Variants in TENM1 observed in about 807,000 individuals in gnomAD.
TENM1 encodes the protein teneurin-1.
In TENM1, 35 loss-of-function variants were observed where a neutral mutation model predicts 174.8. That is an observed-to-expected ratio of 0.20 (90% CI 0.15 to 0.27). The LOEUF (loss-of-function observed/expected upper bound fraction) is 0.27. TENM1 is among the 10% of genes least tolerant of loss of function. The pLI is 1.00. For synonymous variants in TENM1, 781 were observed against 798.7 expected, an observed-to-expected ratio of 0.98 and a Z score of 0.37; for missense variants, 1,633 against 2,130.1, an observed-to-expected ratio of 0.77 and a Z score of 4.59.
intron 25 of TENM1, among the ~76,000 whole-genome samples, chrX:124,407,840 T>G (rs1332795246): frequency 8.9e-6 from 1 of 112,862 alleles, no homozygotes; most frequent in Non-Finnish European, 1.9e-5. Flanking sequence ...TAGCCTTAGA[T>G]GTTAAATTGG....
At chrX:124,682,338 C>T (rs1569388524) in intron 5 of TENM1, among the ~76,000 whole-genome samples, 1 of 111,277 alleles carries the variant, frequency 9.0e-6, no homozygotes, top group East Asian at 2.8e-4. Flanking sequence ...TAGCATAAAG[C>T]AGTTAGAGTC....
chrX:124,694,644 G>A (rs1456886820), intron 5 of TENM1, among the ~76,000 whole-genome samples: 1 of 111,876 alleles, frequency 8.9e-6, no homozygotes, highest in Non-Finnish European at 1.9e-5. Context: ...TGAACATTGT[G>A]TACCCAGTAT....
chrX:124,985,696 G>T, the TENM1 span, among the ~76,000 whole-genome samples: 1 of 111,440 alleles, frequency 9.0e-6, no homozygotes, highest in South Asian at 3.8e-4. Context: ...CTAATCAGCT[G>T]CATTTGATTT....
chrX:124,652,794 G>A (rs1303901614), intron 7 of TENM1, among the ~76,000 whole-genome samples: 1 of 112,183 alleles, frequency 8.9e-6, no homozygotes, highest in Non-Finnish European at 1.9e-5. Flanking sequence ...CAGTTGACAA[G>A]GACCTGGCAC....
chrX:125,168,575 C>T, the TENM1 span, among the ~76,000 whole-genome samples: 1 of 111,254 alleles, frequency 9.0e-6, no homozygotes, highest in African/African-American at 3.3e-5. Flanking sequence ...AGTCAGATGA[C>T]TTTGACTTAA....
chrX:124,377,707 C>T (rs1368078147), exon 32 of TENM1: 2 of 111,863 alleles, frequency 1.8e-5, no homozygotes, highest in Non-Finnish European at 3.8e-5. Context: ...GAGAGTCCAA[C>T]TACTATGCTC....
At chrX:125,092,032 G>A in the TENM1 span, among the ~76,000 whole-genome samples, 1 of 107,514 alleles carries the variant, frequency 9.3e-6, no homozygotes. Context: ...ATAGAGCTTG[G>A]GATAAATTCA....
At chrX:124,547,941 A>G (rs1290961158) in intron 14 of TENM1, among the ~76,000 whole-genome samples, 2 of 111,799 alleles carry the variant, frequency 1.8e-5, no homozygotes, top group Non-Finnish European at 3.8e-5. Flanking sequence ...GGTTCACGCC[A>G]TTCTCCTGCC....
chrX:124,409,551 G>C (rs1243160350), intron 25 of TENM1, among the ~76,000 whole-genome samples: 1 of 110,658 alleles, frequency 9.0e-6, no homozygotes, highest in East Asian at 2.8e-4. Context: ...AGGAAATAAA[G>C]GGTATTCAAT....
At chrX:124,705,749 T>G (rs1464887809) in intron 4 of TENM1, among the ~76,000 whole-genome samples, 1 of 112,315 alleles carries the variant, frequency 8.9e-6, no homozygotes. Context: ...TTGAAAGAAT[T>G]TTATAATAAA....
rs1317658551 is a variant in TENM1 at position 124,563,386 on chromosome X, TA to T, written c.2287+362del. Among the ~76,000 whole-genome samples the T allele has an allele frequency of 3.0e-5, 3 of 101,624 alleles. No homozygotes were observed. The East Asian group carries it at 9.0e-4, about 31-fold the overall frequency. The allele number at this position is 101,624 out of a possible 115,157, so 88.2% of individuals were successfully genotyped here. On this transcript the variant is annotated intron_variant, in intron 13 of 31. Coordinates refer to ENST00000422452, the Ensembl canonical transcript of TENM1. ...AATTATTTAATAATTATTAAATTAT[TA>T]AAAATTATTTAATAATTATTAAATT...
At chrX:124,417,240 G>A (rs746105393) in intron 25 of TENM1, among the ~76,000 whole-genome samples, 11 of 108,613 alleles carry the variant, frequency 1.0e-4, no homozygotes, top group Admixed American at 2.9e-4. Flanking sequence ...ACAGAGTTTC[G>A]CTCTTGTTGC....
intron 6 of TENM1, among the ~76,000 whole-genome samples, chrX:124,667,179 G>A (rs1247578868): frequency 9.0e-6 from 1 of 111,225 alleles, no homozygotes; most frequent in Non-Finnish European, 1.9e-5. Context: ...ATTACGTGGG[G>A]GTAGTTATTT....
chrX:124,881,643 G>A (rs1313165498), intron 3 of TENM1, among the ~76,000 whole-genome samples: 1 of 109,810 alleles, frequency 9.1e-6, no homozygotes, highest in Non-Finnish European at 1.9e-5. Flanking sequence ...TTTTTGATGT[G>A]CGCATTTTTT....
intron 3 of TENM1, among the ~76,000 whole-genome samples, chrX:124,786,670 A>G (rs2055044431): frequency 8.9e-6 from 1 of 112,163 alleles, no homozygotes; most frequent in Non-Finnish European, 1.9e-5. Context: ...TGAAAAACCA[A>G]TGGAGTCTTG....
At chrX:124,746,824 G>A (rs1411377301) in intron 3 of TENM1, among the ~76,000 whole-genome samples, 1 of 110,852 alleles carries the variant, frequency 9.0e-6, no homozygotes, top group Non-Finnish European at 1.9e-5. Context: ...TGGATCAAGT[G>A]AAATGTCTAT....
upstream of TENM1, among the ~76,000 whole-genome samples, chrX:124,966,280 C>G (rs2058724201): frequency 8.9e-6 from 1 of 111,862 alleles, no homozygotes; most frequent in South Asian, 3.7e-4. Flanking sequence ...AGCATGTACC[C>G]TACTCTACCT....
chrX:125,052,101 T>C, the TENM1 span, among the ~76,000 whole-genome samples: 3 of 112,065 alleles, frequency 2.7e-5, no homozygotes, highest in Non-Finnish European at 5.6e-5. Context: ...AAAATGCTCA[T>C]CATCATTGGC....
At chrX:124,398,183 G>A (rs983207224) in intron 27 of TENM1, among the ~76,000 whole-genome samples, 1 of 107,667 alleles carries the variant, frequency 9.3e-6, no homozygotes, top group African/African-American at 3.4e-5. Flanking sequence ...GGCCAAGATC[G>A]CGCCACTGCC....
Sources: allele counts gnomAD v4.1 joint callset (sites outside exome capture counted in the v4.1 genomes callset), GRCh38; gene constraint gnomAD v4.1.1; transcripts MANE v1.5; gene names NCBI Gene and HGNC (gene_info 2026-07-23, HGNC 2026-07-21).